The following PAPPA2 variants were observed in gnomAD, a reference collection of about 807,000 sequenced individuals.
PAPPA2 encodes pappalysin 2.
In PAPPA2, 86 loss-of-function variants were observed where a neutral mutation model predicts 176.4. The ratio of observed to expected loss-of-function variants is 0.49; its 90% CI spans 0.41 to 0.58. PAPPA2 has a LOEUF of 0.58. PAPPA2 is among the 20% of genes least tolerant of loss of function. PAPPA2 has a pLI of 0.00. For missense variants in PAPPA2, 2,073 were observed against 2,256.9 expected, an observed-to-expected ratio of 0.92 and a Z score of 1.65; for synonymous variants, 809 against 852.2, an observed-to-expected ratio of 0.95 and a Z score of 0.88.
At chr1:176,553,769 G>A (rs928672116) in intron 1 of PAPPA2, 7 of 151,594 alleles carry the variant, frequency 4.6e-5, no homozygotes, top group Admixed American at 4.6e-4. Flanking sequence ...GTTATGGGGT[G>A]GCATGCGGGA....
intron 21 of PAPPA2, chr1:176,836,808 A>T (rs1236790710): frequency 3.3e-5 from 5 of 152,178 alleles, no homozygotes; most frequent in African/African-American, 1.2e-4. Flanking sequence ...GAGCTAAAAA[A>T]AATAAAAATA....
intron 21 of PAPPA2, among the ~76,000 whole-genome samples, chr1:176,839,261 T>A (rs1456081445): frequency 6.6e-6 from 1 of 152,160 alleles, no homozygotes; most frequent in Non-Finnish European, 1.5e-5. Flanking sequence ...AGGACAACAT[T>A]TCCCTCCAGA....
chr1:176,536,778 G>A lies in PAPPA2; in HGVS notation c.-916-18629G>A, dbSNP rs147329745. On this transcript the variant is annotated intron_variant, in intron 1 of 22. Coordinates refer to ENST00000367662, the MANE Select transcript of PAPPA2 (RefSeq NM_020318.3). Reference sequence around the variant, plus strand: ...ATCCCACTGACCAAGCCCAGAGTCCGAGTGGGAGGGCATAGCAAAGTCCAA... The same window carrying A: ...ATCCCACTGACCAAGCCCAGAGTCCAAGTGGGAGGGCATAGCAAAGTCCAA... Among the ~76,000 whole-genome samples the A allele has an allele frequency of 2.8e-3, 428 of 152,298 alleles. 3 individuals carry two copies. Among genetic ancestry groups the A allele is most frequent in the Non-Finnish European group, 4.5e-3 (306 of 68,022 alleles).
chr1:176,604,561 A>G (rs1334634241), intron 3 of PAPPA2, among the ~76,000 whole-genome samples: 1 of 152,222 alleles, frequency 6.6e-6, no homozygotes, highest in Non-Finnish European at 1.5e-5. Context: ...CATATTGTCT[A>G]TGGCTGCTTT....
intron 21 of PAPPA2, among the ~76,000 whole-genome samples, chr1:176,830,175 C>G (rs550575982): frequency 6.6e-6 from 1 of 152,148 alleles, no homozygotes; most frequent in South Asian, 2.1e-4. Context: ...TTGAGACCAG[C>G]CTGGACAACA....
intron 21 of PAPPA2, among the ~76,000 whole-genome samples, chr1:176,839,476 G>A (rs1005514688): frequency 6.6e-6 from 1 of 152,222 alleles, no homozygotes; most frequent in South Asian, 2.1e-4. Context: ...CTCTAACCCT[G>A]TATCTAGTTT....
chr1:176,799,685 C>A (rs1006544273), intron 20 of PAPPA2, among the ~76,000 whole-genome samples: 1 of 152,188 alleles, frequency 6.6e-6, no homozygotes, highest in Non-Finnish European at 1.5e-5. Context: ...CTTACAATTT[C>A]TTGTAACATT....
chr1:176,588,366 C>G (rs1321765027), intron 2 of PAPPA2, among the ~76,000 whole-genome samples: 1 of 152,182 alleles, frequency 6.6e-6, no homozygotes, highest in Non-Finnish European at 1.5e-5. Flanking sequence ...ACAAAGACAA[C>G]TTGACTTCCT....
intron 1 of PAPPA2, among the ~76,000 whole-genome samples, chr1:176,477,092 T>C (rs987444523): frequency 6.6e-6 from 1 of 152,248 alleles, no homozygotes; most frequent in African/African-American, 2.4e-5. Context: ...CAATCTCATC[T>C]AACTGCTCTC....
intron 3 of PAPPA2, among the ~76,000 whole-genome samples, chr1:176,634,833 GATAGATAGATAGATAC>G (rs1490078705): frequency 5.3e-4 from 75 of 142,556 alleles, no homozygotes; most frequent in African/African-American, 1.9e-3. Flanking sequence ...TAGATAGATA[GATAGATAGATAGATAC>G]ATAGATACAT....
At chr1:176,621,433 C>T (rs1038059828) in intron 3 of PAPPA2, among the ~76,000 whole-genome samples, 1 of 152,104 alleles carries the variant, frequency 6.6e-6, no homozygotes, top group African/African-American at 2.4e-5. Flanking sequence ...ACCATCATCC[C>T]CCTTGGCACC....
intron 3 of PAPPA2, among the ~76,000 whole-genome samples, chr1:176,621,622 G>A (rs1462297955): frequency 6.6e-6 from 1 of 152,050 alleles, no homozygotes; most frequent in African/African-American, 2.4e-5. Context: ...TTTCTTAGAA[G>A]TAAAGATTGA....
intron 1 of PAPPA2, among the ~76,000 whole-genome samples, chr1:176,482,643 G>A (rs1199668704): frequency 1.3e-4 from 20 of 152,148 alleles, no homozygotes; most frequent in Admixed American, 1.2e-3. Flanking sequence ...TTTTCTCTGT[G>A]TTGGCTTTAT....
intron 1 of PAPPA2, among the ~76,000 whole-genome samples, chr1:176,477,337 T>A (rs1342798620): frequency 6.6e-6 from 1 of 152,212 alleles, no homozygotes; most frequent in Non-Finnish European, 1.5e-5. Context: ...AAAACATGCA[T>A]TTTTTATTGT....
intron 1 of PAPPA2, among the ~76,000 whole-genome samples, chr1:176,491,702 T>A (rs961146329): frequency 9.9e-5 from 15 of 152,256 alleles, no homozygotes; most frequent in Admixed American, 3.3e-4. Flanking sequence ...GTATTTATTA[T>A]TACTATTAGT....
At chr1:176,479,476 C>T (rs1292242092) in intron 1 of PAPPA2, among the ~76,000 whole-genome samples, 2 of 152,066 alleles carry the variant, frequency 1.3e-5, no homozygotes. Context: ...GGCAAGCATC[C>T]CTAGGAAATT....
intron 2 of PAPPA2, among the ~76,000 whole-genome samples, chr1:176,580,206 T>C (rs893560458): frequency 2.6e-5 from 4 of 152,178 alleles, no homozygotes; most frequent in African/African-American, 4.8e-5. Flanking sequence ...TCCTACCTTT[T>C]ACTTCTAAGA....
chr1:176,766,692 G>GT (rs1284067797), intron 15 of PAPPA2, among the ~76,000 whole-genome samples: 1 of 152,138 alleles, frequency 6.6e-6, no homozygotes, highest in Admixed American at 6.5e-5. Flanking sequence ...TAAGAATTCT[G>GT]TTTTCCATCT....
chr1:176,782,351 A>G (rs528680589), intron 17 of PAPPA2, among the ~76,000 whole-genome samples: 14 of 152,318 alleles, frequency 9.2e-5, no homozygotes, highest in African/African-American at 2.6e-4. Context: ...ACTCTTTTCC[A>G]TGGTGGGAGC....
Sources: gnomAD v4.1 joint callset for allele counts (sites outside exome capture counted in the v4.1 genomes callset) on GRCh38, gnomAD v4.1.1 for gene constraint, MANE v1.5 for transcripts, NCBI Gene and HGNC (gene_info 2026-07-23, HGNC 2026-07-21) for gene names.